INPP4B: variants seen among roughly 807,000 people sequenced by gnomAD.
INPP4B encodes inositol polyphosphate-4-phosphatase type II B.
In INPP4B, 55 loss-of-function variants were observed where a neutral mutation model predicts 122.5. That is an observed-to-expected ratio of 0.45 (90% CI 0.36 to 0.56). The LOEUF (loss-of-function observed/expected upper bound fraction) is 0.56, where lower values mean the gene tolerates loss of function less well. Ranked by LOEUF, INPP4B falls within the 20% of genes least tolerant of loss-of-function variation. The pLI is 0.00. For synonymous variants in INPP4B, 403 were observed against 388.7 expected (o/e 1.04, Z -0.43); for missense variants, 1,000 against 1,097.7 (o/e 0.91, Z 1.26).
intron 12 of INPP4B, among the ~76,000 whole-genome samples, chr4:142,218,377 T>G (rs1848151721): frequency 6.6e-6 from 1 of 152,208 alleles, no homozygotes; most frequent in South Asian, 2.1e-4. Context: ...CAAGCACCTA[T>G]GATATTGGAA....
chr4:142,457,377 T>G (rs1815680110), intron 3 of INPP4B, among the ~76,000 whole-genome samples: 1 of 152,078 alleles, frequency 6.6e-6, no homozygotes, highest in African/African-American at 2.4e-5. Context: ...TCTGCAAAAC[T>G]TATATGTGAT....
chr4:142,440,913 T>G (rs1291162714), intron 3 of INPP4B, among the ~76,000 whole-genome samples: 1 of 152,196 alleles, frequency 6.6e-6, no homozygotes, highest in Non-Finnish European at 1.5e-5. Context: ...AAATGCTGAA[T>G]AAAATACTAT....
chr4:142,678,016 G>C (rs910522790), intron 2 of INPP4B, among the ~76,000 whole-genome samples: 20 of 151,444 alleles, frequency 1.3e-4, no homozygotes, highest in African/African-American at 4.9e-4. Context: ...AAGAAGAAAA[G>C]TAACTTTAAA....
Position 142,816,675 on chromosome 4 carries a change from C to CAT in INPP4B, c.-254+29532_-254+29533dup, listed in dbSNP as rs571967022. Among the ~76,000 whole-genome samples, 88 of 151,788 alleles carry CAT rather than the reference C, an allele frequency of 5.8e-4. 2 individuals carry two copies. The South Asian group carries it at 0.014, about 24-fold the overall frequency. The stretch of plus-strand genomic sequence containing the variant: ...GCGTATGCATACAGAAATATATATA[C>CAT]ATATATATATACATACACACACACA... On this transcript the variant is annotated intron_variant, in intron 1 of 25. Coordinates refer to ENST00000262992, the MANE Select transcript of INPP4B (RefSeq NM_001101669.3).
intron 23 of INPP4B, among the ~76,000 whole-genome samples, chr4:142,092,127 G>A (rs1185966153): frequency 6.6e-6 from 1 of 152,192 alleles, no homozygotes; most frequent in East Asian, 1.9e-4. Flanking sequence ...TGTTCCAGCT[G>A]AGTGAAGCTC....
intron 12 of INPP4B, among the ~76,000 whole-genome samples, chr4:142,228,391 A>G (rs1852588869): frequency 6.6e-6 from 1 of 152,140 alleles, no homozygotes; most frequent in Non-Finnish European, 1.5e-5. Flanking sequence ...GTAGAAAAGA[A>G]GTCTTGAGCA....
At chr4:142,239,611 T>G (rs946873725) in intron 11 of INPP4B, among the ~76,000 whole-genome samples, 1 of 152,132 alleles carries the variant, frequency 6.6e-6, no homozygotes. Context: ...TTCAAAGATA[T>G]AAGAATTTGA....
chr4:142,415,312 C>T (rs189986133), intron 5 of INPP4B, among the ~76,000 whole-genome samples: 15 of 152,162 alleles, frequency 9.9e-5, no homozygotes, highest in African/African-American at 3.4e-4. Flanking sequence ...CTTCAGTTAC[C>T]AAAGGTGGAT....
intron 2 of INPP4B, among the ~76,000 whole-genome samples, chr4:142,623,496 T>C (rs1057318287): frequency 6.6e-6 from 1 of 151,964 alleles, no homozygotes; most frequent in Admixed American, 6.6e-5. Context: ...TCCATGGTGA[T>C]GGCTAAATTC....
intron 24 of INPP4B, among the ~76,000 whole-genome samples, chr4:142,082,789 G>C (rs1218014512): frequency 6.6e-6 from 1 of 152,044 alleles, no homozygotes; most frequent in Non-Finnish European, 1.5e-5. Flanking sequence ...CTGTGCTCTA[G>C]GGTACAACAC....
intron 7 of INPP4B, among the ~76,000 whole-genome samples, chr4:142,351,344 T>C (rs716762): frequency 0.32 from 48,374 of 151,924 alleles, 8,748 homozygotes; most frequent in South Asian, 0.45. Flanking sequence ...TGATTATTTG[T>C]AGTTCTCTTT....
At chr4:142,501,375 G>A (rs193001696) in intron 2 of INPP4B, among the ~76,000 whole-genome samples, 8 of 152,280 alleles carry the variant, frequency 5.3e-5, no homozygotes, top group African/African-American at 1.7e-4. Context: ...CAGAGAAGTA[G>A]TATTTCTGGA....
intron 25 of INPP4B, among the ~76,000 whole-genome samples, chr4:142,050,810 C>T (rs1754140006): frequency 6.6e-6 from 1 of 151,988 alleles, no homozygotes; most frequent in South Asian, 2.1e-4. Flanking sequence ...TGGATTGGCT[C>T]CAGGATGGAC....
At chr4:142,617,333 T>C (rs1303577366) in intron 2 of INPP4B, among the ~76,000 whole-genome samples, 2 of 152,074 alleles carry the variant, frequency 1.3e-5, no homozygotes, top group South Asian at 4.1e-4. Context: ...ATAGCTGACA[T>C]ACATTCGCTC....
chr4:142,320,233 CTT>C (rs1455871452), intron 7 of INPP4B, among the ~76,000 whole-genome samples: 1 of 152,178 alleles, frequency 6.6e-6, no homozygotes, highest in Non-Finnish European at 1.5e-5. Context: ...AACTCACCCT[CTT>C]TTAAAGGATT....
chr4:142,181,608 G>T (rs1830795920), intron 15 of INPP4B, among the ~76,000 whole-genome samples: 1 of 152,008 alleles, frequency 6.6e-6, no homozygotes, highest in South Asian at 2.1e-4. Context: ...TTCAACTTTA[G>T]CGATGCAGAA....
intron 7 of INPP4B, among the ~76,000 whole-genome samples, chr4:142,315,804 G>A (rs1243458945): frequency 6.6e-6 from 1 of 151,632 alleles, no homozygotes; most frequent in Non-Finnish European, 1.5e-5. Context: ...AAAGGGGATT[G>A]GAGGGGAAGA....
chr4:142,184,806 G>A (rs1048816749), intron 15 of INPP4B, among the ~76,000 whole-genome samples: 1 of 152,116 alleles, frequency 6.6e-6, no homozygotes, highest in Non-Finnish European at 1.5e-5. Flanking sequence ...GTTCACTATG[G>A]AGGGTAGAGG....
intron 2 of INPP4B, among the ~76,000 whole-genome samples, chr4:142,705,846 C>T (rs28631467): frequency 0.028 from 4,296 of 152,328 alleles, 176 homozygotes; most frequent in African/African-American, 0.097. Context: ...CTGCATTAGA[C>T]AGTGTTTCCA....
Sources: allele counts gnomAD v4.1 joint callset (sites outside exome capture counted in the v4.1 genomes callset), GRCh38; gene constraint gnomAD v4.1.1; transcripts MANE v1.5; gene names NCBI Gene and HGNC (gene_info 2026-07-23, HGNC 2026-07-21).